Variants in DSCAM observed in about 807,000 individuals in gnomAD.
DSCAM encodes the protein DS cell adhesion molecule.
In DSCAM, 47 loss-of-function variants were observed where a neutral mutation model predicts 217.7. The observed-to-expected ratio is 0.22, with a 90% confidence interval of 0.17 to 0.28. DSCAM has a LOEUF of 0.28. Ranked by LOEUF, DSCAM falls within the 10% of genes least tolerant of loss-of-function variation. The pLI, the probability that DSCAM is intolerant of heterozygous loss-of-function variation, is 1.00. For synonymous variants in DSCAM, 1,056 were observed against 1,015.3 expected, an observed-to-expected ratio of 1.04 and a Z score of -0.76; for missense variants, 2,080 against 2,618.3, an observed-to-expected ratio of 0.79 and a Z score of 4.49.
intron 6 of DSCAM, among the ~76,000 whole-genome samples, chr21:40,340,254 C>T (rs771922577): frequency 1.3e-5 from 2 of 152,070 alleles, no homozygotes; most frequent in African/African-American, 2.4e-5. Flanking sequence ...CCAGAACTAT[C>T]GCAGGCAAAC....
rs73361110 is a variant in DSCAM, at chr21:40,453,864, T to C, written c.509-84619A>G. On this transcript the variant is annotated intron_variant, in intron 3 of 32. Transcript: ENST00000400454. ...CAAGACTAAAAGGAAGTAAGAGCCT[T>C]GGCCCTTGAATCAGCAAAGGCATCC... Among the ~76,000 whole-genome samples, 1,279 of 152,318 alleles carry C rather than the reference T, an allele frequency of 8.4e-3. 24 individuals are homozygous for C. Among genetic ancestry groups the C allele is most frequent in the African/African-American group, 0.029 (1,204 of 41,584 alleles).
At chr21:40,634,625 T>C (rs1010312450) in intron 3 of DSCAM, among the ~76,000 whole-genome samples, 3 of 152,202 alleles carry the variant, frequency 2.0e-5, no homozygotes, top group African/African-American at 7.2e-5. Context: ...AAATAAGCTA[T>C]CAGTAAAACA....
chr21:40,755,265 G>A (rs534251224), intron 1 of DSCAM, among the ~76,000 whole-genome samples: 20 of 152,200 alleles, frequency 1.3e-4, no homozygotes, highest in African/African-American at 4.3e-4. Flanking sequence ...GGCCAACATG[G>A]TGAAACACTG....
intron 3 of DSCAM, among the ~76,000 whole-genome samples, chr21:40,431,389 G>A (rs919077485): frequency 6.7e-6 from 1 of 149,528 alleles, no homozygotes; most frequent in Admixed American, 6.6e-5. Context: ...CAAGGACAAA[G>A]ACCTTTATGA....
At chr21:40,400,881 CAAATGT>C (rs1309103852) in intron 3 of DSCAM, among the ~76,000 whole-genome samples, 1 of 152,128 alleles carries the variant, frequency 6.6e-6, no homozygotes, top group Non-Finnish European at 1.5e-5. Flanking sequence ...GCAGATCTTT[CAAATGT>C]TGACAGGTTT....
intron 16 of DSCAM, among the ~76,000 whole-genome samples, chr21:40,162,762 C>T (rs955542822): frequency 3.3e-5 from 5 of 152,230 alleles, no homozygotes; most frequent in African/African-American, 4.8e-5. Flanking sequence ...AAAATTTTCA[C>T]GCAGATAGTA....
intron 1 of DSCAM, among the ~76,000 whole-genome samples, chr21:40,787,368 A>C (rs1046853062): frequency 6.6e-6 from 1 of 152,228 alleles, no homozygotes; most frequent in Non-Finnish European, 1.5e-5. Flanking sequence ...GTCTAGACAC[A>C]CTGGACTTCT....
At chr21:40,649,676 C>T (rs923513690) in intron 3 of DSCAM, among the ~76,000 whole-genome samples, 1 of 152,014 alleles carries the variant, frequency 6.6e-6, no homozygotes, top group Admixed American at 6.6e-5. Flanking sequence ...GGGGAGGTCT[C>T]AGAAGCGCTT....
chr21:40,485,639 ATTTAAG>A (rs916898587), intron 3 of DSCAM, among the ~76,000 whole-genome samples: 18 of 152,178 alleles, frequency 1.2e-4, no homozygotes, highest in Non-Finnish European at 2.6e-4. Flanking sequence ...AATAAAATGT[ATTTAAG>A]TTTAAATAAT....
In DSCAM at chr21:40,708,730, C is replaced by A. The variant is rs1314469440; in HGVS notation, c.85G>T (p.Ala29Ser). ...DLHSSLYFVN[A>S]SLQEVVFAST... ...GCAAACACTACCTCTTGCAGAGATG[C>A]ATTGACAAAGTAGAGGCTGGAGTGT... The change falls in exon 2 of 33, where the codon GCA (alanine) becomes TCA (serine). Residue 29 changes from alanine (A) to serine (S), a missense_variant. Around this residue, in one of 5 missense-constraint regions of DSCAM, gnomAD observed 568 missense variants for 678.1 expected, o/e 0.84. Coordinates refer to ENST00000400454, the MANE Select transcript of DSCAM (RefSeq NM_001389.5). 6.2e-7 allele frequency: 1 copy of A among 1,603,384 alleles called. No homozygotes were observed. Among genetic ancestry groups the A allele is most frequent in the Non-Finnish European group, 8.5e-7 (1 of 1,174,290 alleles).
At chr21:40,585,434 A>G (rs1026299932) in intron 3 of DSCAM, among the ~76,000 whole-genome samples, 4 of 37,360 alleles carry the variant, frequency 1.1e-4, no homozygotes, top group African/African-American at 1.7e-4. Flanking sequence ...AAAAAAAAAA[A>G]AAAAAAAAAG....
chr21:40,267,006 C>T (rs113583869), intron 11 of DSCAM, among the ~76,000 whole-genome samples: 4,268 of 125,120 alleles, frequency 0.034, 214 homozygotes, highest in African/African-American at 0.12. Context: ...AGTGCTATAA[C>T]GGACTCGGGA....
chr21:40,167,836 G>A (rs561146798), intron 15 of DSCAM, among the ~76,000 whole-genome samples: 3 of 152,270 alleles, frequency 2.0e-5, no homozygotes, highest in East Asian at 1.9e-4. Context: ...GGAGGCCGAC[G>A]CGGGCAATCA....
At chr21:40,532,909 T>TGTGTGC (rs1311548599) in intron 3 of DSCAM, among the ~76,000 whole-genome samples, 1 of 113,742 alleles carries the variant, frequency 8.8e-6, no homozygotes, top group South Asian at 3.0e-4. Context: ...TGTGTGTGTG[T>TGTGTGC]GCACACGCAC....
At chr21:40,531,272 G>A (rs7279102) in intron 3 of DSCAM, among the ~76,000 whole-genome samples, 4,514 of 152,232 alleles carry the variant, frequency 0.03, 208 homozygotes, top group African/African-American at 0.098. Flanking sequence ...GGTCTCAGGC[G>A]CATTATGCAC....
At chr21:40,614,967 A>T (rs2089369199) in intron 3 of DSCAM, among the ~76,000 whole-genome samples, 1 of 151,618 alleles carries the variant, frequency 6.6e-6, no homozygotes, top group African/African-American at 2.4e-5. Context: ...TTTTATATAC[A>T]TTATGTATAT....
At chr21:40,296,233 T>C in intron 9 of DSCAM, 59 bp from the exon 10 acceptor site, 1 of 1,571,178 alleles carries the variant, frequency 6.4e-7, no homozygotes, top group South Asian at 1.1e-5. Flanking sequence ...AGTAAAGGTA[T>C]GATTCTAAGA....
At chr21:40,136,912 T>C (rs1568959905) in intron 18 of DSCAM, among the ~76,000 whole-genome samples, 1 of 152,148 alleles carries the variant, frequency 6.6e-6, no homozygotes, top group African/African-American at 2.4e-5. Flanking sequence ...CAGTGGCTCA[T>C]GCCTGTAATC....
At chr21:40,830,168 T>A (rs544776883) in intron 1 of DSCAM, among the ~76,000 whole-genome samples, 7 of 152,268 alleles carry the variant, frequency 4.6e-5, no homozygotes, top group African/African-American at 1.7e-4. Context: ...GGTGCTGGCA[T>A]CTACTCAGCT....
Sources: allele counts gnomAD v4.1 joint callset (sites outside exome capture counted in the v4.1 genomes callset), GRCh38; gene constraint gnomAD v4.1.1; regional missense constraint gnomAD v4.1.1; transcripts MANE v1.5; gene names NCBI Gene and HGNC (gene_info 2026-07-23, HGNC 2026-07-21).